KREMEN1: variants seen among roughly 807,000 people sequenced by gnomAD.
The protein encoded by KREMEN1 is kremen protein 1.
A neutral mutation model predicts 46.5 loss-of-function variants in KREMEN1; 30 were observed. That is an observed-to-expected ratio of 0.65 (90% CI 0.48 to 0.88). The LOEUF (loss-of-function observed/expected upper bound fraction) is 0.88. Ranked by LOEUF, KREMEN1 falls within the 40% of genes least tolerant of loss-of-function variation. The pLI, the probability that KREMEN1 is intolerant of heterozygous loss-of-function variation, is 0.00. For missense variants in KREMEN1, 533 were observed against 596.9 expected, an observed-to-expected ratio of 0.89 and a Z score of 1.11; for synonymous variants, 214 against 230.6, an observed-to-expected ratio of 0.93 and a Z score of 0.65.
intron 4 of KREMEN1, 54 bp from the exon 5 acceptor site, chr22:29,125,209 G>A (rs1248549414): frequency 1.3e-6 from 2 of 1,595,532 alleles, no homozygotes; most frequent in Non-Finnish European, 1.7e-6. Flanking sequence ...GCTCCTTCAG[G>A]CCATCTGACA....
chr22:29,167,260 G>A, exon 10 of KREMEN1: 1 of 659,744 alleles, frequency 1.5e-6, no homozygotes. Flanking sequence ...TTGGGAGGCT[G>A]AGATGGGAGG....
chr22:29,168,333 C>CAA (rs60121498), downstream of KREMEN1: 214 of 79,304 alleles, frequency 2.7e-3, 1 homozygote, highest in African/African-American at 7.9e-3. Context: ...GACCCTGTCT[C>CAA]AAAAAAAAAA....
At chr22:29,089,602 G>T (rs1569314113) in intron 1 of KREMEN1, among the ~76,000 whole-genome samples, 1 of 99,838 alleles carries the variant, frequency 1.0e-5, no homozygotes, top group Non-Finnish European at 2.3e-5. Context: ...TCACAAAAAT[G>T]AATAAATAAA....
downstream of KREMEN1, among the ~76,000 whole-genome samples, chr22:29,149,819 C>T (rs1315400301): frequency 1.3e-5 from 2 of 152,120 alleles, no homozygotes; most frequent in Non-Finnish European, 2.9e-5. Context: ...TTGGAGAATC[C>T]ACCACCCGGG....
intron 5 of KREMEN1, among the ~76,000 whole-genome samples, chr22:29,128,598 C>T (rs1274475919): frequency 6.6e-6 from 1 of 152,134 alleles, no homozygotes; most frequent in Admixed American, 6.5e-5. Context: ...ATCTTTGGTA[C>T]TACTAGGAAA....
At position 29,094,390 on chromosome 22, in the gene KREMEN1, A is replaced by T. The variant is rs2037847484; in HGVS notation, c.230A>T (p.Glu77Val). ...PYNTLKYPNG[E>V]GGLGEHNYCR... ...AACACTCTGAAATACCCCAACGGGG[A>T]GGGGGGCCTGGGTGAGCACAACTAT... The change falls in exon 2 of 9, where the codon GAG (glutamate) becomes GTG (valine). Residue 77 changes from glutamate (E) to valine (V), a missense_variant. Transcript: ENST00000400335. 5 of 1,613,560 alleles carry T rather than the reference A, an allele frequency of 3.1e-6. No homozygotes were observed. The South Asian group carries it at 5.5e-5, about 18-fold the overall frequency.
At chr22:29,160,249 G>A (rs534040907) in intron 9 of KREMEN1, among the ~76,000 whole-genome samples, 6 of 152,054 alleles carry the variant, frequency 3.9e-5, no homozygotes, top group East Asian at 1.9e-4. Context: ...AGAAGATTTC[G>A]GCTGGGTGTG....
intron 3 of KREMEN1, among the ~76,000 whole-genome samples, chr22:29,112,651 TA>T (rs2038170696): frequency 1.3e-5 from 2 of 152,168 alleles, no homozygotes; most frequent in South Asian, 4.1e-4. Flanking sequence ...TCAGCTAAGA[TA>T]AACAAGGGGT....
At chr22:29,166,340 A>T (rs1462589868) in intron 9 of KREMEN1, among the ~76,000 whole-genome samples, 1 of 151,522 alleles carries the variant, frequency 6.6e-6, no homozygotes, top group South Asian at 2.1e-4. Flanking sequence ...GCTCGTGTGG[A>T]GCCTGTGGTC....
In KREMEN1 at chr22:29,073,506, T is replaced by C. The variant is rs985286302; in HGVS notation, c.97+279T>C. On this transcript the variant is annotated intron_variant, in intron 1 of 8. Transcript: ENST00000400335. The surrounding 1 kb of genome is among the most constrained non-coding windows in gnomAD (Gnocchi z 4.4). The stretch of plus-strand genomic sequence containing the variant: ...CTCAGCCCAGGAGGCCCTCTCCGCC[T>C]TGAGTCTTCCAAGACCCTCTGCGAC... Among the ~76,000 whole-genome samples the C allele has an allele frequency of 2.6e-5, 4 of 151,614 alleles. No individual in the cohort carries two copies. Among genetic ancestry groups the C allele is most frequent in the Admixed American group, 6.6e-5 (1 of 15,262 alleles).
At chr22:29,116,217 T>C (rs938589150) in intron 3 of KREMEN1, among the ~76,000 whole-genome samples, 5 of 152,064 alleles carry the variant, frequency 3.3e-5, no homozygotes, top group Non-Finnish European at 7.4e-5. Flanking sequence ...TAGATTAGAG[T>C]AGGGTAAGCC....
Position 29,138,703 on chromosome 22 carries a change from C to T in KREMEN1, c.1044C>T (p.Leu348=). ...VAEVITEQAN[L]SVSAARSSKV... Reference sequence around the variant, plus strand: ...AGGTGATCACGGAGCAGGCCAACCTCAGTGTCAGCGCTGCCCGGTCCTCCA... The same window carrying T: ...AGGTGATCACGGAGCAGGCCAACCTTAGTGTCAGCGCTGCCCGGTCCTCCA... Residue 348 remains leucine, a synonymous_variant, in exon 7 of 9, where the codon CTC becomes CTT. Transcript: ENST00000400335. 1 of 1,614,232 alleles carries T rather than the reference C, an allele frequency of 6.2e-7. No individual in the cohort carries two copies. The highest frequency in any genetic ancestry group is 8.5e-7 in the Non-Finnish European group (1 of 1,180,042).
At chr22:29,133,274 A>G (rs2038595553) in intron 5 of KREMEN1, among the ~76,000 whole-genome samples, 1 of 151,778 alleles carries the variant, frequency 6.6e-6, no homozygotes, top group South Asian at 2.1e-4. Context: ...AAAAAGAAAA[A>G]AGATTTTATC....
chr22:29,137,126 T>C (rs2038672450), intron 5 of KREMEN1, among the ~76,000 whole-genome samples: 1 of 152,200 alleles, frequency 6.6e-6, no homozygotes, highest in Non-Finnish European at 1.5e-5. Flanking sequence ...ACCACTGTGC[T>C]GTGTGCTAAT....
chr22:29,125,236 C>T (rs1412486825), intron 4 of KREMEN1, 27 bp from the exon 5 acceptor site: 2 of 1,612,610 alleles, frequency 1.2e-6, no homozygotes, highest in Non-Finnish European at 8.5e-7. Context: ...ATGATGCTTA[C>T]CGTGTGCTGC....
intron 1 of KREMEN1, among the ~76,000 whole-genome samples, chr22:29,088,986 GC>G: frequency 6.6e-6 from 1 of 152,242 alleles, no homozygotes; most frequent in South Asian, 2.1e-4. Flanking sequence ...AGTTTTCCTA[GC>G]TTTTCTCCTA....
intron 1 of KREMEN1, among the ~76,000 whole-genome samples, chr22:29,074,599 G>A (rs922035685): frequency 6.6e-6 from 1 of 152,242 alleles, no homozygotes; most frequent in Non-Finnish European, 1.5e-5. Flanking sequence ...TGAAAGGGAT[G>A]GGAAGAGTTT....
intron 3 of KREMEN1, among the ~76,000 whole-genome samples, chr22:29,107,745 A>G (rs2038084124): frequency 6.6e-6 from 1 of 151,948 alleles, no homozygotes; most frequent in African/African-American, 2.4e-5. Context: ...TTCACCAGGT[A>G]TGGTAGCATG....
intron 3 of KREMEN1, 46 bp from the exon 4 acceptor site, chr22:29,121,311 C>T (rs947066807): frequency 2.5e-6 from 4 of 1,607,152 alleles, no homozygotes; most frequent in African/African-American, 1.3e-5. Context: ...CTTGGTGTTT[C>T]ACAGCCAGAT....
Sources: allele counts gnomAD v4.1 joint callset (sites outside exome capture counted in the v4.1 genomes callset), GRCh38; gene constraint gnomAD v4.1.1; non-coding constraint Gnocchi (gnomAD v3.1); transcripts MANE v1.5; gene names NCBI Gene and HGNC (gene_info 2026-07-23, HGNC 2026-07-21).